Variants in FAT2 observed in about 807,000 individuals in gnomAD.
FAT2 encodes protocadherin Fat 2.
In FAT2, 150 loss-of-function variants were observed where a neutral mutation model predicts 295.3. The ratio of observed to expected loss-of-function variants is 0.51; its 90% CI spans 0.44 to 0.58. FAT2 has a LOEUF of 0.58. Ranked by LOEUF, FAT2 falls within the 20% of genes least tolerant of loss-of-function variation. The pLI, the probability that FAT2 is intolerant of heterozygous loss-of-function variation, is 0.00. For missense variants in FAT2, 4,868 were observed against 5,442.7 expected (o/e 0.89, Z 3.32); for synonymous variants, 2,026 against 2,150.3 (o/e 0.94, Z 1.60).
In FAT2 at chr5:151,505,978, G is replaced by A. The variant is rs754481619; in HGVS notation, c.12637C>T (p.Pro4213Ser). The A allele has an allele frequency of 1.0e-5, 16 of 1,573,496 alleles. No homozygotes were observed. Among genetic ancestry groups the A allele is most frequent in the Non-Finnish European group, 1.4e-5 (16 of 1,164,338 alleles). Residue 4213 changes from proline (P) to serine (S), a missense_variant, in exon 24 of 24, where the codon CCA becomes TCA. Pro to Ser is a moderately conservative substitution (Grantham distance 74). Around this residue, in one of 5 missense-constraint regions of FAT2, gnomAD observed 492 missense variants for 482.6 expected, o/e 1.02. Transcript: ENST00000261800. ...CCATTAGGCTCTGGCATCACGACTGGGGTTGAGTGGCGGTGAGCCGAGGGC... is the reference window on the plus strand; with the variant it reads ...CCATTAGGCTCTGGCATCACGACTGAGGTTGAGTGGCGGTGAGCCGAGGGC... ...LPPSAHRHSTPVVMPEPNGLY... is the reference protein window; with the variant it reads ...LPPSAHRHSTSVVMPEPNGLY...
chr5:151,525,682 C>A, intron 18 of FAT2, 86 bp downstream of exon 18: 1 of 1,470,332 alleles, frequency 6.8e-7, no homozygotes, highest in Non-Finnish European at 9.5e-7. Flanking sequence ...TACATTTTTT[C>A]CCTAATGACA....
At chr5:151,583,672 T>C (rs1282235449) in intron 1 of FAT2, among the ~76,000 whole-genome samples, 1 of 152,174 alleles carries the variant, frequency 6.6e-6, no homozygotes, top group Non-Finnish European at 1.5e-5. Context: ...TTGTGCACTT[T>C]TCTGTATGCA....
intron 12 of FAT2, 112 bp from the exon 13 acceptor site, chr5:151,534,754 G>A (rs765099067): frequency 1.2e-4 from 102 of 829,692 alleles, no homozygotes; most frequent in Non-Finnish European, 1.6e-4. Flanking sequence ...TTTGTTCACA[G>A]CAAGGAGGGG....
rs753274186 is a variant in FAT2, at chr5:151,544,778, G to A, written c.6349C>T (p.Arg2117Ter). The A allele has an allele frequency of 5.0e-6, 8 of 1,614,006 alleles. No individual in the cohort carries two copies. The highest frequency in any genetic ancestry group is 6.8e-6 in the Non-Finnish European group (8 of 1,180,032). Residue 2117 changes from arginine (R) to a stop codon, truncating the protein, a stop_gained, in exon 10 of 24, where the codon CGA becomes TGA. Transcript: ENST00000261800. LOFTEE classifies it high-confidence loss of function. The part of the protein sequence containing the change: ...YEFAEDYTYF[R>*]IDPYLGDISL... Reference sequence around the variant, plus strand: ...ATGTCCCCAAGATAGGGGTCAATTCGGAAATATGTGTAATCTTCTGCAAAT... The same window carrying A: ...ATGTCCCCAAGATAGGGGTCAATTCAGAAATATGTGTAATCTTCTGCAAAT...
chr5:151,592,510 A>G (rs149982507), upstream of FAT2, among the ~76,000 whole-genome samples: 15 of 152,260 alleles, frequency 9.9e-5, no homozygotes, highest in African/African-American at 3.6e-4. Context: ...TCTAATTACA[A>G]GAAGCTTATC....
At chr5:151,574,715 T>C (rs1302382464) in intron 1 of FAT2, among the ~76,000 whole-genome samples, 1 of 152,264 alleles carries the variant, frequency 6.6e-6, no homozygotes, top group African/African-American at 2.4e-5. Flanking sequence ...TCTATTGGTT[T>C]AAGACAACTG....
intron 1 of FAT2, among the ~76,000 whole-genome samples, chr5:151,582,219 G>A (rs577628140): frequency 9.9e-5 from 15 of 152,214 alleles, no homozygotes; most frequent in South Asian, 2.1e-4. Context: ...AGCCTCTGCC[G>A]GTGGGCTGCA....
Position 151,544,751 on chromosome 5 carries a change from A to G in FAT2, c.6376T>C (p.Ser2126Pro). ...FRIDPYLGDI[S>P]LKKPFDYQAL... ...TGATAATCAAAGGGTTTCTTGAGTGATATGTCCCCAAGATAGGGGTCAATT... is the reference window on the plus strand; with the variant it reads ...TGATAATCAAAGGGTTTCTTGAGTGGTATGTCCCCAAGATAGGGGTCAATT... Residue 2126 changes from serine to proline, a missense_variant, in exon 10 of 24, where the codon TCA becomes CCA. This residue lies in a region of FAT2 where 3,297 missense variants were observed against 3,669.4 expected (regional missense o/e 0.90). Coordinates refer to ENST00000261800, the MANE Select transcript of FAT2 (RefSeq NM_001447.3). The G allele has an allele frequency of 6.2e-7, 1 of 1,614,178 alleles. No homozygotes were observed. The highest frequency in any genetic ancestry group is 8.5e-7 in the Non-Finnish European group (1 of 1,180,044).
At chr5:151,587,175 A>AC (rs1409980843) in intron 1 of FAT2, among the ~76,000 whole-genome samples, 2 of 152,014 alleles carry the variant, frequency 1.3e-5, no homozygotes, top group South Asian at 4.2e-4. Context: ...ACAAAAAAAA[A>AC]ACAAAAAAAC....
intron 20 of FAT2, among the ~76,000 whole-genome samples, chr5:151,515,671 C>G (rs186223528): frequency 5.3e-5 from 8 of 152,292 alleles, no homozygotes. Flanking sequence ...ATCCTGTTGG[C>G]TTTGCCTTCA....
intron 13 of FAT2, among the ~76,000 whole-genome samples, chr5:151,532,280 T>C (rs553770428): frequency 4.1e-4 from 62 of 152,228 alleles, no homozygotes; most frequent in Non-Finnish European, 8.5e-4. Context: ...AAACCACCCA[T>C]AGAGAGTTCC....
In FAT2 at chr5:151,521,870, C is replaced by T; in HGVS notation, c.10723G>A (p.Gly3575Ser). ...GGCGCACCCACTGAGAAGTGCCTGC[C>T]CAGGGTCTCCTCTTCTGCCAGGCTA... is the stretch of plus-strand genomic sequence containing the variant. ...TYSLAEEETL[G>S]RHFSVGAPDG... The change falls in exon 19 of 24, where the codon GGC (glycine) becomes AGC (serine). Residue 3575 changes from glycine to serine, a missense_variant. This residue lies in a region of FAT2 where 1,046 missense variants were observed against 1,210.1 expected (regional missense o/e 0.86). Coordinates refer to ENST00000261800, the MANE Select transcript of FAT2 (RefSeq NM_001447.3). 1.2e-6 allele frequency: 2 copies of T among 1,614,164 alleles called. No individual in the cohort carries two copies. The highest frequency in any genetic ancestry group is 1.7e-6 in the Non-Finnish European group (2 of 1,180,006).
At chr5:151,549,635 TA>T in intron 8 of FAT2, 130 bp from the exon 9 acceptor site, 1 of 690,856 alleles carries the variant, frequency 1.4e-6, no homozygotes, top group Non-Finnish European at 2.5e-6. Context: ...CATATTCTTT[TA>T]AATGTTGTTC....
Position 151,512,033 on chromosome 5 carries a change from T to A in FAT2, c.11905+132A>T, listed in dbSNP as rs1761361107. On this transcript the variant is annotated intron_variant, in intron 21 of 23. Transcript: ENST00000261800. The surrounding 1 kb of genome is among the most constrained non-coding windows in gnomAD (Gnocchi z 4.1). ...CTAGATATTGCAGATTCCAACCTGT[T>A]ACTCACAAGTTAGGGGAAGAGAGAG... 8 of 754,398 alleles carry A rather than the reference T, an allele frequency of 1.1e-5. No homozygotes were observed. In the South Asian group the frequency reaches 1.5e-4, roughly 14 times the overall value. The allele number at this position is 754,398 out of a possible 1,614,324, so 46.7% of individuals were successfully genotyped here.
intron 22 of FAT2, among the ~76,000 whole-genome samples, chr5:151,508,225 A>G (rs1179851588): frequency 6.6e-6 from 1 of 152,226 alleles, no homozygotes; most frequent in Non-Finnish European, 1.5e-5. Context: ...ATTTGAGTCC[A>G]AAACATTTCT....
At chr5:151,514,502 A>G (rs577425605) in intron 20 of FAT2, among the ~76,000 whole-genome samples, 1 of 152,200 alleles carries the variant, frequency 6.6e-6, no homozygotes, top group Non-Finnish European at 1.5e-5. Flanking sequence ...CCTGCTCTAT[A>G]CAGACATGGA....
rs772522835 is a variant in FAT2, at chr5:151,566,544, G to T, written c.2388C>A (p.Gly796=). 5 of 1,613,964 alleles carry T rather than the reference G, an allele frequency of 3.1e-6. No homozygotes were observed. The African/African-American group carries it at 4.0e-5, about 13-fold the overall frequency. ...YILNVTVYDL[G]TPQKSSWKLL... is the part of the protein sequence containing the mutation. Reference sequence around the variant, plus strand: ...GCTTCCAGGAGGACTTCTGGGGTGTGCCCAGGTCATATACTGTTACATTGA... The same window carrying T: ...GCTTCCAGGAGGACTTCTGGGGTGTTCCCAGGTCATATACTGTTACATTGA... The change falls in exon 2 of 24, where the codon GGC becomes GGA. Residue 796 remains glycine, a synonymous_variant. Transcript: ENST00000261800.
At position 151,591,157 on chromosome 5, in the gene FAT2, A is replaced by G. The variant is rs1759389232; in HGVS notation, c.-21+8T>C. On this transcript the variant is annotated splice_region_variant and intron_variant, in intron 1 of 23. Transcript: ENST00000261800. ...TCCCGCATCTTCCCATCCTCCAGCAATTCTTACCTGTGCCCTTCAGGTAGG... is the reference window on the plus strand; with the variant it reads ...TCCCGCATCTTCCCATCCTCCAGCAGTTCTTACCTGTGCCCTTCAGGTAGG... 1.3e-5 allele frequency among the ~76,000 whole-genome samples: 2 copies of G among 152,184 alleles called. No individual in the cohort carries two copies. Among genetic ancestry groups the G allele is most frequent in the South Asian group, 4.1e-4 (2 of 4,830 alleles).
rs1761408941 is a variant in FAT2 at position 151,512,621 on chromosome 5, C to T, written c.11464-15G>A. 6.3e-7 allele frequency: 1 copy of T among 1,579,344 alleles called. No individual in the cohort carries two copies. The highest frequency in any genetic ancestry group is 1.4e-5 in the African/African-American group (1 of 74,012). On this transcript the variant is annotated splice_polypyrimidine_tract_variant and intron_variant, in intron 20 of 23. Transcript: ENST00000261800. This position sits in a 1 kb window ranked among gnomAD's most constrained non-coding sequence, Gnocchi z 4.1. ...CCACTGGCCAGCTGCAAAGGAAATC[C>T]AAACAGCCATCAGCAAAGCCAAGGA...
Sources: gnomAD v4.1 joint callset for allele counts (sites outside exome capture counted in the v4.1 genomes callset) on GRCh38, gnomAD v4.1.1 for gene constraint, gnomAD v4.1.1 regional missense constraint, Gnocchi (gnomAD v3.1) non-coding constraint, MANE v1.5 for transcripts, NCBI Gene and HGNC (gene_info 2026-07-23, HGNC 2026-07-21) for gene names.